The following TENT2 variants were observed in gnomAD, a reference collection of about 807,000 sequenced individuals.
The protein encoded by TENT2 is terminal nucleotidyltransferase 2, also known as poly(A) RNA polymerase GLD2.
A neutral mutation model predicts 72.2 loss-of-function variants in TENT2; 44 were observed. That is an observed-to-expected ratio of 0.61 (90% CI 0.48 to 0.78). TENT2 has a LOEUF of 0.78. Among genes scored for constraint, TENT2 ranks in the 30% least tolerant of loss-of-function variants. TENT2 has a pLI of 0.00. For synonymous variants in TENT2, 212 were observed against 192.5 expected, an observed-to-expected ratio of 1.10 and a Z score of -0.84; for missense variants, 541 against 569.6, an observed-to-expected ratio of 0.95 and a Z score of 0.51.
At chr5:79,621,201 A>G (rs1764508855) in intron 3 of TENT2, among the ~76,000 whole-genome samples, 1 of 152,220 alleles carries the variant, frequency 6.6e-6, no homozygotes, top group Non-Finnish European at 1.5e-5. Flanking sequence ...AAATCACGTA[A>G]CACTGAGGTA....
At chr5:79,666,208 C>T (rs112837117) in intron 11 of TENT2, among the ~76,000 whole-genome samples, 1,565 of 150,220 alleles carry the variant, frequency 0.01, 20 homozygotes, top group African/African-American at 0.037. Flanking sequence ...AGGCTGGTCT[C>T]GAACTCCTGA....
chr5:79,676,163 T>TACACACACACACAC (rs59618310), intron 12 of TENT2, among the ~76,000 whole-genome samples: 4 of 147,446 alleles, frequency 2.7e-5, no homozygotes, highest in Middle Eastern at 3.5e-3. Flanking sequence ...TATATATGTA[T>TACACACACACACAC]ACACACACAC....
chr5:79,638,309 C>T (rs1781804189), intron 4 of TENT2, among the ~76,000 whole-genome samples: 1 of 152,070 alleles, frequency 6.6e-6, no homozygotes, highest in Admixed American at 6.5e-5. Context: ...GACCTTTCAC[C>T]TGCCCTGCCT....
intron 11 of TENT2, among the ~76,000 whole-genome samples, chr5:79,667,157 A>G (rs1194872077): frequency 1.3e-5 from 2 of 152,170 alleles, no homozygotes; most frequent in African/African-American, 2.4e-5. Context: ...CAAAATAAAG[A>G]TTTTAAAGGA....
At chr5:79,679,718 T>A (rs1469594867) in intron 13 of TENT2, 48 bp downstream of exon 13, 1 of 1,071,404 alleles carries the variant, frequency 9.3e-7, no homozygotes, top group Admixed American at 2.6e-5. Context: ...CTAAGAGAAT[T>A]ACTTGAGTAA....
chr5:79,681,102 T>A (rs1821338559), intron 13 of TENT2, among the ~76,000 whole-genome samples: 1 of 151,568 alleles, frequency 6.6e-6, no homozygotes, highest in Non-Finnish European at 1.5e-5. Flanking sequence ...TCTGTTTTCT[T>A]TTTCTGCCAA....
chr5:79,669,074 G>A, intron 12 of TENT2, 46 bp downstream of exon 12: 1 of 1,594,752 alleles, frequency 6.3e-7, no homozygotes, highest in Non-Finnish European at 8.6e-7. Context: ...ATGTGTGTGT[G>A]TGTGTATGTA....
intron 14 of TENT2, among the ~76,000 whole-genome samples, chr5:79,682,691 A>T (rs1168548930): frequency 6.6e-6 from 1 of 152,182 alleles, no homozygotes; most frequent in Non-Finnish European, 1.5e-5. Context: ...TTGTGGCCTT[A>T]GAAGGAAGCT....
At chr5:79,669,986 T>A (rs1207395662) in intron 12 of TENT2, among the ~76,000 whole-genome samples, 1 of 151,870 alleles carries the variant, frequency 6.6e-6, no homozygotes, top group Non-Finnish European at 1.5e-5. Context: ...CCCAACACTT[T>A]GGGAGGCCGA....
intron 13 of TENT2, chr5:79,681,705 T>G (rs1822073967): frequency 1.3e-5 from 3 of 235,634 alleles, no homozygotes; most frequent in African/African-American, 6.7e-5. Context: ...TTCAGAAACC[T>G]TATCCACATT....
chr5:79,668,128 T>C (rs538988832), intron 11 of TENT2, among the ~76,000 whole-genome samples: 3 of 152,116 alleles, frequency 2.0e-5, no homozygotes, highest in Middle Eastern at 3.4e-3. Context: ...AGAGGAAAAA[T>C]GGATATGAAA....
At chr5:79,619,308 G>A (rs532375671) in intron 1 of TENT2, among the ~76,000 whole-genome samples, 1 of 152,288 alleles carries the variant, frequency 6.6e-6, no homozygotes, top group African/African-American at 2.4e-5. Flanking sequence ...TTTTATTAAT[G>A]TCAGGTGATA....
At chr5:79,623,217 ATCT>A in intron 3 of TENT2, 32 bp from the exon 4 acceptor site, 1 of 1,450,716 alleles carries the variant, frequency 6.9e-7, no homozygotes, top group Non-Finnish European at 9.4e-7. Context: ...AGAAAGTTGT[ATCT>A]TTAATTACTA....
intron 12 of TENT2, among the ~76,000 whole-genome samples, chr5:79,670,365 C>A (rs1425269169): frequency 6.6e-6 from 1 of 151,774 alleles, no homozygotes; most frequent in Non-Finnish European, 1.5e-5. Flanking sequence ...CACTGTGTTG[C>A]CCAGGCTGGA....
intron 4 of TENT2, among the ~76,000 whole-genome samples, chr5:79,629,605 A>G (rs938222527): frequency 6.6e-6 from 1 of 151,514 alleles, no homozygotes; most frequent in Non-Finnish European, 1.5e-5. Flanking sequence ...AGGCGGGTGG[A>G]TCACGAGGTC....
At chr5:79,643,692 T>C (rs924145683) in intron 7 of TENT2, among the ~76,000 whole-genome samples, 1 of 152,222 alleles carries the variant, frequency 6.6e-6, no homozygotes, top group Non-Finnish European at 1.5e-5. Flanking sequence ...CATTCTGAAT[T>C]ATTCTGTAAA....
At chr5:79,613,886 A>C (rs1757219519) in intron 1 of TENT2, 1 of 152,120 alleles carries the variant, frequency 6.6e-6, no homozygotes, top group Non-Finnish European at 1.5e-5. Flanking sequence ...ATTTGGACAA[A>C]ATGGACAGTA....
intron 7 of TENT2, 193 bp downstream of exon 7, chr5:79,643,103 C>T: frequency 2.1e-6 from 1 of 469,962 alleles, no homozygotes. Context: ...ATCTTTATTG[C>T]ACTTACTGCA....
chr5:79,613,973 A>G (rs889004483), intron 1 of TENT2: 4 of 151,912 alleles, frequency 2.6e-5, no homozygotes, highest in Non-Finnish European at 5.9e-5. Flanking sequence ...TGAAGGAATT[A>G]TATATAACCT....
Sources: allele counts gnomAD v4.1 joint callset (sites outside exome capture counted in the v4.1 genomes callset), GRCh38; gene constraint gnomAD v4.1.1; transcripts MANE v1.5; gene names NCBI Gene and HGNC (gene_info 2026-07-23, HGNC 2026-07-21).